Variants in SLC10A7 observed in about 807,000 individuals in gnomAD.
The protein encoded by SLC10A7 is sodium/bile acid cotransporter 7.
In SLC10A7, 29 loss-of-function variants were observed where a neutral mutation model predicts 43.2. The observed-to-expected ratio is 0.67, with a 90% CI of 0.50 to 0.92. The LOEUF (loss-of-function observed/expected upper bound fraction) is 0.92. Among genes scored for constraint, SLC10A7 ranks in the 40% least tolerant of loss-of-function variants. The pLI, the probability that SLC10A7 is intolerant of heterozygous loss-of-function variation, is 0.00. For synonymous variants in SLC10A7, 152 were observed against 144.8 expected, an observed-to-expected ratio of 1.05 and a Z score of -0.35; for missense variants, 295 against 403.2, an observed-to-expected ratio of 0.73 and a Z score of 2.30.
intron 9 of SLC10A7, among the ~76,000 whole-genome samples, chr4:146,291,852 C>A (rs961988298): frequency 6.6e-6 from 1 of 152,178 alleles, no homozygotes; most frequent in Non-Finnish European, 1.5e-5. Flanking sequence ...CCAGAGGACA[C>A]TTGGGTTATC....
intron 5 of SLC10A7, among the ~76,000 whole-genome samples, chr4:146,404,515 T>TGTGTGTGA (rs1491415094): frequency 2.1e-5 from 3 of 145,488 alleles, no homozygotes; most frequent in Non-Finnish European, 4.6e-5. Context: ...TGTGTGTGTG[T>TGTGTGTGA]GACTGGTTTA....
chr4:146,424,644 A>G (rs1190926224), intron 5 of SLC10A7, among the ~76,000 whole-genome samples: 1 of 151,916 alleles, frequency 6.6e-6, no homozygotes, highest in East Asian at 1.9e-4. Flanking sequence ...TGGGTGACAG[A>G]GCGAGACTCC....
chr4:146,495,712 C>T (rs1044028244), intron 4 of SLC10A7, among the ~76,000 whole-genome samples: 1 of 151,142 alleles, frequency 6.6e-6, no homozygotes, highest in African/African-American at 2.4e-5. Context: ...GCTCAGGAGA[C>T]ATTCTTAAAT....
At chr4:146,395,423 T>C (rs752711748) in intron 5 of SLC10A7, among the ~76,000 whole-genome samples, 1 of 152,098 alleles carries the variant, frequency 6.6e-6, no homozygotes, top group African/African-American at 2.4e-5. Context: ...CCCACACAGT[T>C]GCTACTATCT....
At chr4:146,481,922 C>A (rs1367966499) in intron 4 of SLC10A7, among the ~76,000 whole-genome samples, 1 of 152,112 alleles carries the variant, frequency 6.6e-6, no homozygotes, top group Admixed American at 6.5e-5. Flanking sequence ...GTATGAAAAA[C>A]AAAAACAGAA....
rs199932241 is a variant in SLC10A7 at position 146,447,693 on chromosome 4, A to AT, written c.397-4873dup. Among the ~76,000 whole-genome samples the AT allele has an allele frequency of 9.4e-3, 1,423 of 151,778 alleles. 20 individuals are homozygous for AT. Among genetic ancestry groups the AT allele is most frequent in the African/African-American group, 0.033 (1,362 of 41,412 alleles). ...TAAAAAAAAAAAAGTTCATATTGAG[A>AT]TTTTTTTTAATATTGACTAGATTGA... is the stretch of plus-strand genomic sequence containing the variant. On this transcript the variant is annotated intron_variant, in intron 4 of 11. Transcript: ENST00000335472.
intron 5 of SLC10A7, among the ~76,000 whole-genome samples, chr4:146,360,014 G>GTTGGAT (rs1735931195): frequency 6.6e-6 from 1 of 152,102 alleles, no homozygotes; most frequent in South Asian, 2.1e-4. Flanking sequence ...ACATTACCAA[G>GTTGGAT]TTGGATTTGG....
chr4:146,334,557 T>G (rs905562737), intron 5 of SLC10A7, among the ~76,000 whole-genome samples: 1 of 152,098 alleles, frequency 6.6e-6, no homozygotes, highest in African/African-American at 2.4e-5. Flanking sequence ...TTTTGTTGTT[T>G]GCTTTGTTTT....
chr4:146,505,847 T>C (rs182941412), intron 3 of SLC10A7, among the ~76,000 whole-genome samples: 1 of 152,344 alleles, frequency 6.6e-6, no homozygotes, highest in Admixed American at 6.5e-5. Flanking sequence ...ACACTTTACA[T>C]ACTATCTCAT....
chr4:146,371,058 T>G lies in SLC10A7; in HGVS notation c.436-45062A>C, dbSNP rs142377341. On this transcript the variant is annotated intron_variant, in intron 5 of 11. Coordinates refer to ENST00000335472, the MANE Select transcript of SLC10A7 (RefSeq NM_001029998.6). The stretch of plus-strand genomic sequence containing the variant: ...AGAGCACGTATTATATGTACAGCAC[T>G]TTTTCTAGAACTAGGGCTTCAAAGA... Among the ~76,000 whole-genome samples, 1,210 of 152,316 alleles carry G rather than the reference T, an allele frequency of 7.9e-3. 13 individuals are homozygous for G. The highest frequency in any genetic ancestry group is 0.028 in the African/African-American group (1,169 of 41,570).
intron 5 of SLC10A7, among the ~76,000 whole-genome samples, chr4:146,425,701 G>A (rs1729295342): frequency 6.6e-6 from 1 of 152,144 alleles, no homozygotes; most frequent in Non-Finnish European, 1.5e-5. Flanking sequence ...ATAAAAAAGG[G>A]GAAACCAGCC....
chr4:146,452,046 T>C (rs975252866), intron 4 of SLC10A7, among the ~76,000 whole-genome samples: 1 of 152,078 alleles, frequency 6.6e-6, no homozygotes, highest in African/African-American at 2.4e-5. Flanking sequence ...TCTAATTTTC[T>C]GGTACTTGAA....
At chr4:146,264,005 C>T (rs1728395636) in intron 10 of SLC10A7, among the ~76,000 whole-genome samples, 2 of 152,212 alleles carry the variant, frequency 1.3e-5, no homozygotes, top group South Asian at 4.1e-4. Context: ...TCACACATGA[C>T]ACATTTGTCT....
At chr4:146,490,074 CA>C (rs1252240868) in intron 4 of SLC10A7, among the ~76,000 whole-genome samples, 1 of 151,862 alleles carries the variant, frequency 6.6e-6, no homozygotes, top group Non-Finnish European at 1.5e-5. Context: ...CAAGAGAATT[CA>C]TGTCTCTCTT....
At chr4:146,438,850 GTCAGTATCTA>G (rs1305190429) in intron 5 of SLC10A7, among the ~76,000 whole-genome samples, 1 of 152,008 alleles carries the variant, frequency 6.6e-6, no homozygotes, top group Non-Finnish European at 1.5e-5. Context: ...CCCAAAAGAT[GTCAGTATCTA>G]TTTTTTAAAA....
chr4:146,263,947 T>C (rs1168653159), intron 10 of SLC10A7, among the ~76,000 whole-genome samples: 2 of 152,244 alleles, frequency 1.3e-5, no homozygotes, highest in Non-Finnish European at 2.9e-5. Context: ...TACTACCTGA[T>C]CCAAACACTT....
intron 5 of SLC10A7, among the ~76,000 whole-genome samples, chr4:146,426,023 A>AT (rs1729328054): frequency 1.3e-5 from 2 of 152,152 alleles, no homozygotes; most frequent in South Asian, 4.1e-4. Flanking sequence ...CTCTCAAATT[A>AT]TTTTTTCCAT....
At chr4:146,341,055 T>C (rs1002124761) in intron 5 of SLC10A7, among the ~76,000 whole-genome samples, 1 of 151,886 alleles carries the variant, frequency 6.6e-6, no homozygotes, top group Non-Finnish European at 1.5e-5. Context: ...TAAAACAATA[T>C]AACTTATGCT....
chr4:146,406,756 G>A (rs975296766), intron 5 of SLC10A7, among the ~76,000 whole-genome samples: 1 of 152,216 alleles, frequency 6.6e-6, no homozygotes, highest in African/African-American at 2.4e-5. Flanking sequence ...GCAGAGGCGG[G>A]AGGATCACCT....
Sources: gnomAD v4.1 joint callset for allele counts (sites outside exome capture counted in the v4.1 genomes callset) on GRCh38, gnomAD v4.1.1 for gene constraint, MANE v1.5 for transcripts, NCBI Gene and HGNC (gene_info 2026-07-23, HGNC 2026-07-21) for gene names.